Variants in ZNF385D observed in about 807,000 individuals in gnomAD.
The protein encoded by ZNF385D is zinc finger protein 659.
Under a neutral mutation model 35.8 loss-of-function variants are expected in ZNF385D, and 15 were observed. The ratio of observed to expected loss-of-function variants is 0.42; its 90% confidence interval spans 0.28 to 0.64. ZNF385D has a LOEUF of 0.64. ZNF385D is among the 30% of genes least tolerant of loss of function. ZNF385D has a pLI of 0.23. For missense variants in ZNF385D, 474 were observed against 494.6 expected, an observed-to-expected ratio of 0.96 and a Z score of 0.39; for synonymous variants, 212 against 186.8, an observed-to-expected ratio of 1.13 and a Z score of -1.10.
chr3:22,146,914 T>C (rs1278883293), intron 3 of ZNF385D, among the ~76,000 whole-genome samples: 1 of 152,178 alleles, frequency 6.6e-6, no homozygotes, highest in Non-Finnish European at 1.5e-5. Flanking sequence ...TTGTCTCGTT[T>C]TTACATGAGA....
chr3:21,693,231 A>G (rs2067343173), intron 1 of ZNF385D, among the ~76,000 whole-genome samples: 1 of 152,200 alleles, frequency 6.6e-6, no homozygotes, highest in African/African-American at 2.4e-5. Context: ...TCATACCCAA[A>G]GGGAAATGGG....
At chr3:22,193,200 C>T (rs1025309028) in intron 2 of ZNF385D, among the ~76,000 whole-genome samples, 1 of 152,056 alleles carries the variant, frequency 6.6e-6, no homozygotes, top group Non-Finnish European at 1.5e-5. Context: ...TTATTTGACA[C>T]CTTCCTTCCA....
chr3:22,220,315 T>C (rs1251215865), intron 2 of ZNF385D, among the ~76,000 whole-genome samples: 1 of 152,080 alleles, frequency 6.6e-6, no homozygotes, highest in Non-Finnish European at 1.5e-5. Context: ...TTTTACAACT[T>C]CTGCTTCTGA....
intron 1 of ZNF385D, among the ~76,000 whole-genome samples, chr3:21,693,336 C>T (rs771091378): frequency 7.2e-5 from 11 of 152,210 alleles, no homozygotes; most frequent in African/African-American, 1.2e-4. Flanking sequence ...GTTACTGAGC[C>T]TAGTTGCCCA....
chr3:21,588,123 T>C (rs1056175631), intron 2 of ZNF385D, among the ~76,000 whole-genome samples: 1 of 152,058 alleles, frequency 6.6e-6, no homozygotes, highest in Admixed American at 6.6e-5. Context: ...CAAATGTATG[T>C]AGAGATAAAT....
intron 1 of ZNF385D, 107 bp downstream of exon 1, chr3:21,750,788 G>C: frequency 7.1e-7 from 1 of 1,413,122 alleles, no homozygotes; most frequent in Non-Finnish European, 9.9e-7. Context: ...ACTGGAGGTA[G>C]GTTTAATGTA....
At chr3:22,024,161 T>C (rs1697394135) in intron 3 of ZNF385D, among the ~76,000 whole-genome samples, 1 of 152,102 alleles carries the variant, frequency 6.6e-6, no homozygotes, top group Non-Finnish European at 1.5e-5. Flanking sequence ...TATATCTTTC[T>C]CCCATTCTGG....
At chr3:21,945,379 T>C (rs978773783) in intron 3 of ZNF385D, among the ~76,000 whole-genome samples, 1 of 152,128 alleles carries the variant, frequency 6.6e-6, no homozygotes, top group Non-Finnish European at 1.5e-5. Flanking sequence ...ATGTTTATGG[T>C]GAGATGCACG....
chr3:21,860,369 T>A (rs1255323189), intron 3 of ZNF385D, among the ~76,000 whole-genome samples: 1 of 152,124 alleles, frequency 6.6e-6, no homozygotes, highest in Admixed American at 6.6e-5. Flanking sequence ...AGATTTGGTC[T>A]CAGGCAGTAG....
intron 3 of ZNF385D, among the ~76,000 whole-genome samples, chr3:22,128,373 T>C (rs1028480373): frequency 6.6e-6 from 1 of 152,176 alleles, no homozygotes; most frequent in Non-Finnish European, 1.5e-5. Context: ...TACTCTTATT[T>C]GGGTTAAATC....
chr3:22,364,497 G>T (rs1472527249), intron 2 of ZNF385D, among the ~76,000 whole-genome samples: 1 of 152,026 alleles, frequency 6.6e-6, no homozygotes, highest in Non-Finnish European at 1.5e-5. Flanking sequence ...CACATGAAAA[G>T]AGACTCAACA....
chr3:21,924,969 A>C (rs1700651504), intron 3 of ZNF385D, among the ~76,000 whole-genome samples: 1 of 152,172 alleles, frequency 6.6e-6, no homozygotes, highest in Non-Finnish European at 1.5e-5. Context: ...ACAGGACTTG[A>C]CTACTAAAAC....
chr3:21,995,909 A>G (rs1445010910), intron 3 of ZNF385D, among the ~76,000 whole-genome samples: 3 of 151,986 alleles, frequency 2.0e-5, no homozygotes, highest in East Asian at 3.9e-4. Context: ...AGTGTGCTAC[A>G]TTGTCTATAC....
At chr3:22,002,712 T>C (rs755646866) in intron 3 of ZNF385D, among the ~76,000 whole-genome samples, 1 of 152,100 alleles carries the variant, frequency 6.6e-6, no homozygotes, top group Non-Finnish European at 1.5e-5. Flanking sequence ...GCAAACTGAA[T>C]TCAACAACAC....
intron 2 of ZNF385D, among the ~76,000 whole-genome samples, chr3:22,313,104 A>G (rs910628696): frequency 2.0e-5 from 3 of 152,120 alleles, no homozygotes; most frequent in African/African-American, 7.2e-5. Context: ...TTGTAGGGAC[A>G]TGGATGAAAC....
intron 1 of ZNF385D, among the ~76,000 whole-genome samples, chr3:21,683,374 T>G (rs750887783): frequency 6.7e-6 from 1 of 149,958 alleles, no homozygotes; most frequent in African/African-American, 2.5e-5. Context: ...ATCCCAGCAC[T>G]TTGGGAGGCC....
intron 4 of ZNF385D, among the ~76,000 whole-genome samples, chr3:21,474,401 G>T (rs937568187): frequency 7.9e-5 from 12 of 152,066 alleles, no homozygotes; most frequent in South Asian, 2.1e-4. Context: ...ATGAGTAGGT[G>T]CCCCAGAAAC....
chr3:21,865,312 T>C (rs544988723), intron 3 of ZNF385D, among the ~76,000 whole-genome samples: 1 of 151,988 alleles, frequency 6.6e-6, no homozygotes, highest in Admixed American at 6.6e-5. Flanking sequence ...ATGCTAGTTT[T>C]GTTTAGAATT....
At chr3:21,771,936 T>C (rs979468398) in intron 3 of ZNF385D, among the ~76,000 whole-genome samples, 2 of 151,806 alleles carry the variant, frequency 1.3e-5, no homozygotes, top group South Asian at 2.1e-4. Flanking sequence ...ATACAGATGG[T>C]CAAATTACTT....
Sources: allele counts gnomAD v4.1 joint callset (sites outside exome capture counted in the v4.1 genomes callset), GRCh38; gene constraint gnomAD v4.1.1; transcripts MANE v1.5; gene names NCBI Gene and HGNC (gene_info 2026-07-23, HGNC 2026-07-21).